The following PLXDC2 variants were observed in gnomAD, a reference collection of about 807,000 sequenced individuals.
PLXDC2 encodes plexin domain-containing protein 2.
Under a neutral mutation model 68.9 loss-of-function variants are expected in PLXDC2, and 40 were observed. The observed-to-expected ratio is 0.58, with a 90% CI of 0.45 to 0.76. The LOEUF is 0.76. Among genes scored for constraint, PLXDC2 ranks in the 30% least tolerant of loss-of-function variants. The pLI, the probability that PLXDC2 is intolerant of heterozygous loss-of-function variation, is 0.00. For synonymous variants in PLXDC2, 243 were observed against 234.2 expected (o/e 1.04, Z -0.34); for missense variants, 644 against 661.9 (o/e 0.97, Z 0.30).
intron 12 of PLXDC2, among the ~76,000 whole-genome samples, chr10:20,240,777 T>C (rs574294333): frequency 1.3e-5 from 2 of 151,402 alleles, no homozygotes; most frequent in Non-Finnish European, 2.9e-5. Context: ...CAAAACTATG[T>C]GTGCAATTTT....
intron 9 of PLXDC2, among the ~76,000 whole-genome samples, chr10:20,207,119 A>C (rs1275660048): frequency 6.6e-6 from 1 of 152,178 alleles, no homozygotes; most frequent in African/African-American, 2.4e-5. Context: ...TGCCACAAAA[A>C]GTATGAGCTT....
chr10:20,022,909 GCT>G (rs1301641978), intron 2 of PLXDC2, among the ~76,000 whole-genome samples: 11 of 151,774 alleles, frequency 7.2e-5, no homozygotes, highest in Non-Finnish European at 1.3e-4. Flanking sequence ...CTGGACCTTA[GCT>G]CTGCAATTTA....
intron 1 of PLXDC2, among the ~76,000 whole-genome samples, chr10:19,966,455 G>GCACATATATAAAAA (rs1462042772): frequency 4.5e-5 from 1 of 22,354 alleles, no homozygotes; most frequent in African/African-American, 2.2e-4. Flanking sequence ...AAACATGTGT[G>GCACATATATAAAAA]TATATGTACA....
intron 1 of PLXDC2, among the ~76,000 whole-genome samples, chr10:19,968,384 C>A (rs1834299384): frequency 6.6e-6 from 1 of 152,166 alleles, no homozygotes; most frequent in Non-Finnish European, 1.5e-5. Flanking sequence ...ACGATCTCCG[C>A]TCCCTGCAAC....
chr10:20,126,369 A>G (rs1199792736), intron 4 of PLXDC2, among the ~76,000 whole-genome samples: 1 of 146,854 alleles, frequency 6.8e-6, no homozygotes, highest in African/African-American at 2.5e-5. Context: ...GTTATATAAT[A>G]CATATATACA....
intron 1 of PLXDC2, among the ~76,000 whole-genome samples, chr10:19,998,859 G>A (rs1834883077): frequency 6.6e-6 from 1 of 152,120 alleles, no homozygotes; most frequent in Non-Finnish European, 1.5e-5. Flanking sequence ...CCTTGTAAGT[G>A]CTAGAGTAAG....
intron 4 of PLXDC2, among the ~76,000 whole-genome samples, chr10:20,135,217 T>C (rs1396793153): frequency 2.6e-5 from 4 of 152,230 alleles, no homozygotes; most frequent in African/African-American, 4.8e-5. Flanking sequence ...GAAATATTAC[T>C]TGGTTCTATT....
Position 19,856,101 on chromosome 10 carries a change from T to TA in PLXDC2, c.112+38917dup, listed in dbSNP as rs965586634. ...TAGAGTAAGACTCTGTCTCCAAAAA[T>TA]AAAAAAACAAAAACAAAAATAAATT... On this transcript the variant is annotated intron_variant, in intron 1 of 13. Transcript: ENST00000377252. Among the ~76,000 whole-genome samples the TA allele has an allele frequency of 6.1e-4, 93 of 151,914 alleles. 1 individual carries two copies. Among genetic ancestry groups the TA allele is most frequent in the Non-Finnish European group, 6.6e-4 (45 of 67,924 alleles).
At position 20,142,952 on chromosome 10, in the gene PLXDC2, G is replaced by A. The variant is rs1834025882; in HGVS notation, c.542-343G>A. Among the ~76,000 whole-genome samples, 3 of 151,958 alleles carry A rather than the reference G, an allele frequency of 2.0e-5. No homozygotes were observed. The South Asian group carries it at 6.2e-4, about 32-fold the overall frequency. ...GGTAAGCTATTGTTAAAATAACAAG[G>A]GATTAATAATAGCAAATTGAATATT... On this transcript the variant is annotated intron_variant, in intron 4 of 13. Coordinates refer to ENST00000377252, the MANE Select transcript of PLXDC2 (RefSeq NM_032812.9).
intron 2 of PLXDC2, among the ~76,000 whole-genome samples, chr10:20,010,822 C>A (rs1835100257): frequency 6.6e-6 from 1 of 152,194 alleles, no homozygotes; most frequent in African/African-American, 2.4e-5. Context: ...ATGATCATCA[C>A]ATCCAGTTCT....
rs35250324 is a variant in PLXDC2, at chr10:19,927,713, CAAAAAAAA to C, written c.113-74044_113-74037del. ...GAGACTCCATCTCAAGGAAAAAAAGCAAAAAAAAAAAAAAAAAAAAAAAAAGCAAGGAA... is the reference window on the plus strand; with the variant it reads ...GAGACTCCATCTCAAGGAAAAAAAGCAAAAAAAAAAAAAAAAAGCAAGGAA... On this transcript the variant is annotated intron_variant, in intron 1 of 13. Transcript: ENST00000377252. 1.1e-4 allele frequency among the ~76,000 whole-genome samples: 6 copies of C among 53,144 alleles called. No individual in the cohort carries two copies. The South Asian group carries it at 3.4e-3, about 30-fold the overall frequency. The allele number at this position is 53,144 out of a possible 152,430, so 34.9% of individuals were successfully genotyped here.
At chr10:19,853,262 T>C (rs1201281071) in intron 1 of PLXDC2, among the ~76,000 whole-genome samples, 4 of 152,200 alleles carry the variant, frequency 2.6e-5, no homozygotes, top group Admixed American at 2.6e-4. Flanking sequence ...CTGATTATTC[T>C]TATATTGCTT....
chr10:20,012,233 A>G (rs1412584031), intron 2 of PLXDC2, among the ~76,000 whole-genome samples: 1 of 147,896 alleles, frequency 6.8e-6, no homozygotes, highest in Non-Finnish European at 1.5e-5. Context: ...TCAGGGAGTT[A>G]TACTTCACCT....
chr10:20,121,902 G>A (rs1336755347), intron 4 of PLXDC2, among the ~76,000 whole-genome samples: 1 of 152,166 alleles, frequency 6.6e-6, no homozygotes, highest in Admixed American at 6.5e-5. Context: ...GCTGTGGGAT[G>A]GGATATTGGC....
At chr10:19,870,821 C>G (rs1039088604) in intron 1 of PLXDC2, among the ~76,000 whole-genome samples, 1 of 152,190 alleles carries the variant, frequency 6.6e-6, no homozygotes, top group African/African-American at 2.4e-5. Context: ...GAGAGAAAAT[C>G]TGTCATATGT....
At chr10:20,066,612 T>A (rs987660274) in intron 3 of PLXDC2, among the ~76,000 whole-genome samples, 12 of 152,320 alleles carry the variant, frequency 7.9e-5, no homozygotes, top group African/African-American at 2.9e-4. Flanking sequence ...AAAATGAGTT[T>A]TGTTGTTCCT....
intron 10 of PLXDC2, among the ~76,000 whole-genome samples, chr10:20,215,586 G>T (rs539891635): frequency 6.6e-6 from 1 of 151,986 alleles, no homozygotes; most frequent in East Asian, 1.9e-4. Context: ...CAGAGAATTA[G>T]GGGTGGCAAA....
chr10:20,238,827 A>C (rs758364926), intron 12 of PLXDC2, among the ~76,000 whole-genome samples: 2 of 150,812 alleles, frequency 1.3e-5, no homozygotes, highest in Non-Finnish European at 2.9e-5. Flanking sequence ...TAGAATTGAC[A>C]GTTCTTACAG....
chr10:20,224,400 C>G (rs1253581796), intron 12 of PLXDC2, among the ~76,000 whole-genome samples: 4 of 152,106 alleles, frequency 2.6e-5, no homozygotes, highest in Non-Finnish European at 5.9e-5. Flanking sequence ...AAGTAGCTGA[C>G]TAGAAGAGTT....
Sources: gnomAD v4.1 joint callset for allele counts (sites outside exome capture counted in the v4.1 genomes callset) on GRCh38, gnomAD v4.1.1 for gene constraint, MANE v1.5 for transcripts, NCBI Gene and HGNC (gene_info 2026-07-23, HGNC 2026-07-21) for gene names.